The following ZNF692 variants were observed in gnomAD, a reference collection of about 807,000 sequenced individuals.
ZNF692 encodes zinc finger protein 692.
A neutral mutation model predicts 49.0 loss-of-function variants in ZNF692; 41 were observed. The ratio of observed to expected loss-of-function variants is 0.84; its 90% CI spans 0.65 to 1.08. The LOEUF (loss-of-function observed/expected upper bound fraction) is 1.08. Among genes scored for constraint, ZNF692 ranks in the 50% least tolerant of loss-of-function variants. ZNF692 has a pLI of 0.00. For synonymous variants in ZNF692, 288 were observed against 251.5 expected (o/e 1.15, Z -1.37); for missense variants, 662 against 662.2 (o/e 1.00, Z 0.00).
In ZNF692 at chr1:248,855,766, G is replaced by C. The variant is rs1186813764; in HGVS notation, c.840C>G (p.Ser280Arg). ...TCTGCTGGGCCGCTTGAGGGGTCCT[G>C]CTGAGCTGTGGCTGCACCCTGACTT... Reference protein sequence around the residue: ...PAEVRVQPQLSRTPQAAQQTE... With the variant: ...PAEVRVQPQLRRTPQAAQQTE... The change falls in exon 7 of 12, where the codon AGC becomes AGG. Residue 280 changes from serine to arginine, a missense_variant. Transcript: ENST00000306601. 6 of 1,614,092 alleles carry C rather than the reference G, an allele frequency of 3.7e-6. No individual in the cohort carries two copies. Among genetic ancestry groups the C allele is most frequent in the Non-Finnish European group, 5.1e-6 (6 of 1,180,044 alleles).
chr1:248,855,248 T>A lies in ZNF692; in HGVS notation c.1038+132A>T, dbSNP rs113709675. 2.3e-4 allele frequency: 188 copies of A among 815,690 alleles called. 1 individual carries two copies. The highest frequency in any genetic ancestry group is 1.8e-3 in the African/African-American group (102 of 57,920). 50.5% of individuals were successfully genotyped at this position (815,690 alleles called of 1,614,324 possible). The stretch of plus-strand genomic sequence containing the variant: ...GGGGATATTGTGAGGACCAAAAGAC[T>A]TTATACATGTCAGGTACCCTCTGCT... On this transcript the variant is annotated intron_variant, in intron 9 of 11. Coordinates refer to ENST00000306601, the MANE Select transcript of ZNF692 (RefSeq NM_017865.4).
chr1:248,853,232 G>A (rs935961904), intron 10 of ZNF692, among the ~76,000 whole-genome samples: 1 of 152,094 alleles, frequency 6.6e-6, no homozygotes, highest in Non-Finnish European at 1.5e-5. Context: ...GCACCACCTT[G>A]CCCTCTTGCA....
At position 248,858,535 on chromosome 1, in the gene ZNF692, G is replaced by A. The variant is rs769607220; in HGVS notation, c.-12-214C>T. Reference sequence around the variant, plus strand: ...ACCATGTGAGTGTCGTCGGGTGGGAGGCAGGCAGACAGAAGCAGTCAGAAC... The same window carrying A: ...ACCATGTGAGTGTCGTCGGGTGGGAAGCAGGCAGACAGAAGCAGTCAGAAC... On this transcript the variant is annotated intron_variant, in intron 1 of 11. Coordinates refer to ENST00000306601, the MANE Select transcript of ZNF692 (RefSeq NM_017865.4). This position sits in a 1 kb window ranked among gnomAD's most constrained non-coding sequence, Gnocchi z 4.3. 6 of 1,551,750 alleles carry A rather than the reference G, an allele frequency of 3.9e-6. No homozygotes were observed. The highest frequency in any genetic ancestry group is 1.4e-5 in the African/African-American group (1 of 73,170).
At chr1:248,854,190 A>T in intron 9 of ZNF692, 139 bp from the exon 10 acceptor site, 6 of 649,070 alleles carry the variant, frequency 9.2e-6, no homozygotes, top group Non-Finnish European at 1.7e-5. Context: ...TCTCCCTGTC[A>T]TGGCCTGCTC....
intron 10 of ZNF692, 86 bp from the exon 11 acceptor site, chr1:248,850,867 G>T: frequency 8.5e-7 from 1 of 1,177,748 alleles, no homozygotes; most frequent in Non-Finnish European, 1.2e-6. Flanking sequence ...CCTCACCAGA[G>T]TGCACCGTAT....
chr1:248,857,049 T>C (rs1053747319), intron 4 of ZNF692, among the ~76,000 whole-genome samples, 185 bp downstream of exon 4: 7 of 152,182 alleles, frequency 4.6e-5, no homozygotes, highest in Non-Finnish European at 8.8e-5. Context: ...TCACCAATGA[T>C]AGCATACCAT....
At position 248,858,381 on chromosome 1, in the gene ZNF692, T is replaced by C. The variant is rs879183138; in HGVS notation, c.-12-60A>G. 551 of 1,530,854 alleles carry C rather than the reference T, an allele frequency of 3.6e-4. 4 individuals carry two copies. In the South Asian group the frequency reaches 6.1e-3, roughly 17 times the overall value. 94.8% of individuals were successfully genotyped at this position (1,530,854 alleles called of 1,614,324 possible). Reference sequence around the variant, plus strand: ...CGATCTCGGGGGTCGGGGACCCGGCTCCACCTGCCGTTAGGGCCTCAGTTT... The same window carrying C: ...CGATCTCGGGGGTCGGGGACCCGGCCCCACCTGCCGTTAGGGCCTCAGTTT... On this transcript the variant is annotated intron_variant, in intron 1 of 11. Transcript: ENST00000306601. This position sits in a 1 kb window ranked among gnomAD's most constrained non-coding sequence, Gnocchi z 4.3.
chr1:248,858,366 G>C lies in ZNF692; in HGVS notation c.-12-45C>G. 6.5e-7 allele frequency: 1 copy of C among 1,530,694 alleles called. No homozygotes were observed. Among genetic ancestry groups the C allele is most frequent in the Non-Finnish European group, 8.8e-7 (1 of 1,133,648 alleles). The allele number at this position is 1,530,694 out of a possible 1,614,324, so 94.8% of individuals were successfully genotyped here. A position where few individuals can be genotyped will look rare whatever the true frequency, so the allele number is the denominator to read the frequency against. Reference sequence around the variant, plus strand: ...TCTTCAGCGCCCTGCCGATCTCGGGGGTCGGGGACCCGGCTCCACCTGCCG... The same window carrying C: ...TCTTCAGCGCCCTGCCGATCTCGGGCGTCGGGGACCCGGCTCCACCTGCCG... On this transcript the variant is annotated intron_variant, in intron 1 of 11. Coordinates refer to ENST00000306601, the MANE Select transcript of ZNF692 (RefSeq NM_017865.4). This position sits in a 1 kb window ranked among gnomAD's most constrained non-coding sequence, Gnocchi z 4.3.
At chr1:248,857,000 TACAC>T (rs150269407) in intron 4 of ZNF692, among the ~76,000 whole-genome samples, 1 of 152,014 alleles carries the variant, frequency 6.6e-6, no homozygotes, top group African/African-American at 2.4e-5. Flanking sequence ...TACTTACACA[TACAC>T]ACACACACAT....
Position 248,857,234 on chromosome 1 carries a change from C to T in ZNF692, c.475G>A (p.Asp159Asn), listed in dbSNP as rs770742693. The change falls in exon 4 of 12, where the codon GAT (aspartate) becomes AAT (asparagine). Residue 159 changes from aspartate to asparagine, a missense_variant and splice_region_variant. By Grantham distance (23) the Asp-to-Asn change is conservative. Transcript: ENST00000306601. ...SEATSGQELA[D>N]LESEHDERTQ... is the part of the protein sequence containing the mutation. Reference sequence around the variant, plus strand: ...ATAACTCTGCTTTTTTCCAGCCTACCTGCAAGCTCCTGCCCACTCGTGGCC... The same window carrying T: ...ATAACTCTGCTTTTTTCCAGCCTACTTGCAAGCTCCTGCCCACTCGTGGCC... 1.2e-6 allele frequency: 2 copies of T among 1,607,796 alleles called. No individual in the cohort carries two copies. The highest frequency in any genetic ancestry group is 1.7e-5 in the Admixed American group (1 of 58,722).
chr1:248,856,650 ACTC>A, intron 4 of ZNF692, 88 bp from the exon 5 acceptor site: 4 of 1,518,278 alleles, frequency 2.6e-6, no homozygotes, highest in African/African-American at 1.4e-5. Context: ...GTGATGGGAG[ACTC>A]CTCTTTTTTT....
intron 10 of ZNF692, 168 bp from the exon 11 acceptor site, chr1:248,850,949 T>C: frequency 1.4e-6 from 1 of 717,254 alleles, no homozygotes; most frequent in African/African-American, 1.7e-5. Flanking sequence ...CTCCCTTACC[T>C]GATGGGTCAT....
rs1660547896 is a variant in ZNF692, at chr1:248,858,726, A to G, written c.-13+192T>C. 4.4e-6 allele frequency: 3 copies of G among 678,114 alleles called. No individual in the cohort carries two copies. The highest frequency in any genetic ancestry group is 7.7e-6 in the Non-Finnish European group (3 of 389,022). 42.0% of individuals were successfully genotyped at this position (678,114 alleles called of 1,614,324 possible). On this transcript the variant is annotated intron_variant, in intron 1 of 11. Transcript: ENST00000306601. This position sits in a 1 kb window ranked among gnomAD's most constrained non-coding sequence, Gnocchi z 4.3. ...AAGGAAAGGTCGTGTCCTGGCGTGC[A>G]GCTGGGGGCGCTCTTCATAGTTGGG...
In ZNF692 at chr1:248,858,439, T is replaced by C. The variant is rs1213363995; in HGVS notation, c.-12-118A>G. 6.4e-7 allele frequency: 1 copy of C among 1,551,148 alleles called. No individual in the cohort carries two copies. The highest frequency in any genetic ancestry group is 8.7e-7 in the Non-Finnish European group (1 of 1,146,662). ...AGTGAACTGGGGCAAGACTAAACTA[T>C]TTCAATAGCAGTGGCAGGTGTGGAG... On this transcript the variant is annotated intron_variant, in intron 1 of 11. Coordinates refer to ENST00000306601, the MANE Select transcript of ZNF692 (RefSeq NM_017865.4). The surrounding 1 kb of genome is among the most constrained non-coding windows in gnomAD (Gnocchi z 4.3).
Position 248,850,276 on chromosome 1 carries a change from C to G in ZNF692, c.1494G>C (p.Leu498=). The part of the protein sequence containing the change: ...PCPSISAPGP[L]GSSEGSRPSA... ...AGGGCCTGGACCCCTCGCTGGATCC[C>G]AGAGGCCCAGGGGCAGAGATGCTGG... The change falls in exon 12 of 12, where the codon CTG becomes CTC. Residue 498 remains leucine, a synonymous_variant. Coordinates refer to ENST00000306601, the MANE Select transcript of ZNF692 (RefSeq NM_017865.4). 1.2e-6 allele frequency: 2 copies of G among 1,602,476 alleles called. No homozygotes were observed. The highest frequency in any genetic ancestry group is 4.5e-5 in the East Asian group (2 of 44,660).
rs1230129850 is a variant in ZNF692, at chr1:248,858,430, A to C, written c.-12-109T>G. 5.2e-6 allele frequency: 8 copies of C among 1,551,058 alleles called. No individual in the cohort carries two copies. The highest frequency in any genetic ancestry group is 2.6e-6 in the Non-Finnish European group (3 of 1,146,514). ...TTCCTCATCAGTGAACTGGGGCAAG[A>C]CTAAACTATTTCAATAGCAGTGGCA... On this transcript the variant is annotated intron_variant, in intron 1 of 11. Transcript: ENST00000306601. This position sits in a 1 kb window ranked among gnomAD's most constrained non-coding sequence, Gnocchi z 4.3.
chr1:248,855,954 G>A lies in ZNF692; in HGVS notation c.660-8C>T, dbSNP rs1660184116. ...GGGGCATCAGGCTCACTACTGAAAG[G>A]AGAACAAAGAGGAAGATGGCATTAA... On this transcript the variant is annotated splice_polypyrimidine_tract_variant and splice_region_variant and intron_variant, in intron 6 of 11. Transcript: ENST00000306601. 3 of 1,612,850 alleles carry A rather than the reference G, an allele frequency of 1.9e-6. No individual in the cohort carries two copies. The highest frequency in any genetic ancestry group is 1.1e-5 in the South Asian group (1 of 90,988).
rs777631795 is a variant in ZNF692, at chr1:248,854,052, C to A, written c.1039-1G>T. 1 of 1,613,272 alleles carries A rather than the reference C, an allele frequency of 6.2e-7. No individual in the cohort carries two copies. Among genetic ancestry groups the A allele is most frequent in the South Asian group, 1.1e-5 (1 of 91,064 alleles). The stretch of plus-strand genomic sequence containing the variant: ...GGATGTGCTGGTACTTTTTGTGGTG[C>A]TAGAGAAGGAAGTGGGTGGTAGGGA... On this transcript the variant is annotated splice_acceptor_variant, in intron 9 of 11. Coordinates refer to ENST00000306601, the MANE Select transcript of ZNF692 (RefSeq NM_017865.4). LOFTEE classifies it high-confidence loss of function.
chr1:248,854,871 G>A (rs1391206454), intron 9 of ZNF692, among the ~76,000 whole-genome samples: 1 of 152,040 alleles, frequency 6.6e-6, no homozygotes. Context: ...ATCTTCTGTG[G>A]GCGGCATTCT....
Sources: allele counts gnomAD v4.1 joint callset (sites outside exome capture counted in the v4.1 genomes callset), GRCh38; gene constraint gnomAD v4.1.1; non-coding constraint Gnocchi (gnomAD v3.1); transcripts MANE v1.5; gene names NCBI Gene and HGNC (gene_info 2026-07-23, HGNC 2026-07-21).